The following ABCC8 variants were observed in gnomAD, a reference collection of about 807,000 sequenced individuals.
The protein encoded by ABCC8 is ATP binding cassette subfamily C member 8, also known as ATP-binding cassette sub-family C member 8.
In ABCC8, 137 loss-of-function variants were observed where a neutral mutation model predicts 188.0. The ratio of observed to expected loss-of-function variants is 0.73; its 90% CI spans 0.63 to 0.84. The LOEUF is 0.84. Ranked by LOEUF, ABCC8 falls within the 40% of genes least tolerant of loss-of-function variation. The pLI, the probability that ABCC8 is intolerant of heterozygous loss-of-function variation, is 0.00. For missense variants in ABCC8, 1,750 were observed against 2,072.7 expected (o/e 0.84, Z 3.02); for synonymous variants, 797 against 846.5 (o/e 0.94, Z 1.01).
intron 5 of ABCC8, chr11:17,461,234 A>G: frequency 2.5e-6 from 1 of 395,418 alleles, no homozygotes; most frequent in Non-Finnish European, 4.8e-6. Context: ...AAATCAAGTG[A>G]ACACTCCAAC....
At chr11:17,461,965 C>A in intron 4 of ABCC8, 140 bp from the exon 5 acceptor site, 1 of 1,423,904 alleles carries the variant, frequency 7.0e-7, no homozygotes, top group South Asian at 1.4e-5. Flanking sequence ...GTAATTATTA[C>A]CAGGAAAAGG....
chr11:17,423,561 C>T (rs1955448347), intron 16 of ABCC8, among the ~76,000 whole-genome samples: 1 of 152,072 alleles, frequency 6.6e-6, no homozygotes, highest in Admixed American at 6.5e-5. Context: ...CTTCACTATG[C>T]TTGAAAGGGA....
At chr11:17,476,445 T>C (rs750953370) in intron 1 of ABCC8, among the ~76,000 whole-genome samples, 184 bp downstream of exon 1, 2 of 149,016 alleles carry the variant, frequency 1.3e-5, no homozygotes, top group Non-Finnish European at 3.0e-5. Context: ...ACCGGGGGAG[T>C]GAAGGGATGA....
chr11:17,417,509 T>C (rs1187593623), intron 16 of ABCC8, among the ~76,000 whole-genome samples: 1 of 152,190 alleles, frequency 6.6e-6, no homozygotes, highest in Non-Finnish European at 1.5e-5. Context: ...TGGATTTTGA[T>C]AACTTAAAAA....
In ABCC8 at chr11:17,443,159, C is replaced by T; in HGVS notation, c.1467+19G>A. The T allele has an allele frequency of 6.2e-7, 1 of 1,613,948 alleles. No individual in the cohort carries two copies. On this transcript the variant is annotated intron_variant, in intron 9 of 38. Transcript: ENST00000389817. The stretch of plus-strand genomic sequence containing the variant: ...AGGAGGGGAAGAGGGACAAAACACA[C>T]ACACCTTTGGGCACTCACCAGTGTG...
intron 28 of ABCC8, among the ~76,000 whole-genome samples, chr11:17,403,436 A>G (rs901454688): frequency 3.3e-5 from 5 of 152,250 alleles, no homozygotes; most frequent in Non-Finnish European, 5.9e-5. Flanking sequence ...AACTTTGTAG[A>G]ACAGCTTGTG....
rs745884500 is a variant in ABCC8, at chr11:17,442,853, G to A, written c.1497C>T (p.Thr499=). The change falls in exon 10 of 39, where the codon ACC becomes ACT. Residue 499 remains threonine, a synonymous_variant. Coordinates refer to ENST00000389817, the MANE Select transcript of ABCC8 (RefSeq NM_000352.6). ...GCTTGATGCCGCGGAGCATCTCGTT[G>A]GTCTGCTTCAGCCGCTCATTGGAAT... The part of the protein sequence containing the change: ...LEYSNERLKQ[T]NEMLRGIKLL... 1 of 1,613,742 alleles carries A rather than the reference G, an allele frequency of 6.2e-7. No homozygotes were observed. Among genetic ancestry groups the A allele is most frequent in the Non-Finnish European group, 8.5e-7 (1 of 1,180,042 alleles).
chr11:17,458,184 C>A (rs1001089746), intron 6 of ABCC8, among the ~76,000 whole-genome samples: 1 of 152,124 alleles, frequency 6.6e-6, no homozygotes, highest in Non-Finnish European at 1.5e-5. Flanking sequence ...CGGAAATTTT[C>A]TGATTGTGTT....
intron 19 of ABCC8, 70 bp downstream of exon 19, chr11:17,414,442 G>T: frequency 6.3e-7 from 1 of 1,590,406 alleles, no homozygotes; most frequent in Non-Finnish European, 8.6e-7. Flanking sequence ...GGAGGGGCCC[G>T]GAACTGGGGC....
At chr11:17,436,745 G>C (rs1956114138) in intron 10 of ABCC8, among the ~76,000 whole-genome samples, 1 of 152,184 alleles carries the variant, frequency 6.6e-6, no homozygotes, top group South Asian at 2.1e-4. Context: ...CAATAGTGTA[G>C]AGACATGGGT....
At position 17,464,520 on chromosome 11, in the gene ABCC8, AG is replaced by A. The variant is rs545936082; in HGVS notation, c.413-917del. Among the ~76,000 whole-genome samples, 7 of 152,352 alleles carry A rather than the reference AG, an allele frequency of 4.6e-5. No individual in the cohort carries two copies. In the South Asian group the frequency reaches 1.4e-3, roughly 32 times the overall value. On this transcript the variant is annotated intron_variant, in intron 3 of 38. Transcript: ENST00000389817. ...TCATCCATTAAGTGGGAATCATAATAGTGCTACCTAGAAGGTTCTTGTGAGA... is the reference window on the plus strand; with the variant it reads ...TCATCCATTAAGTGGGAATCATAATATGCTACCTAGAAGGTTCTTGTGAGA...
intron 6 of ABCC8, among the ~76,000 whole-genome samples, chr11:17,459,852 A>G (rs1246580521): frequency 6.6e-6 from 1 of 152,230 alleles, no homozygotes; most frequent in Admixed American, 6.5e-5. Flanking sequence ...AATCGTTACA[A>G]CTGCCAAGGC....
In ABCC8 at chr11:17,396,919, C is replaced by T. The variant is rs562715858; in HGVS notation, c.4116G>A (p.Gln1372=). 64 of 1,614,068 alleles carry T rather than the reference C, an allele frequency of 4.0e-5. No individual in the cohort carries two copies. The East Asian group carries it at 1.4e-3, about 34-fold the overall frequency. The change falls in exon 33 of 39, where the codon CAG becomes CAA. Residue 1372 remains glutamine, a synonymous_variant. Coordinates refer to ENST00000389817, the MANE Select transcript of ABCC8 (RefSeq NM_000352.6). ...TGGGTTGGGCCCGTGCTCTGACCTT[C>T]TGTCCAGGGGCGATGAGGGCATTGA... is the stretch of plus-strand genomic sequence containing the variant. The part of the protein sequence containing the change: ...KHVNALIAPG[Q]KIGICGRTGS...
rs1407486337 is a variant in ABCC8, at chr11:17,476,722, G to A, written c.55C>T (p.Gln19Ter). ...AAGCAGCCGTTGTTGAGGACCCCCT[G>A]GTCCACCCGGTAGGCGGCCGAGTGG... ...ENHSAAYRVD[Q>*]GVLNNGCFVD... Residue 19 changes from glutamine to a stop codon, truncating the protein, a stop_gained, in exon 1 of 39, where the codon CAG becomes TAG. Transcript: ENST00000389817. LOFTEE classifies it high-confidence loss of function. The A allele has an allele frequency of 6.2e-7, 1 of 1,608,428 alleles. No homozygotes were observed.
In ABCC8 at chr11:17,439,364, T is replaced by C. The variant is rs374480656; in HGVS notation, c.1630+3356A>G. Among the ~76,000 whole-genome samples the C allele has an allele frequency of 7.9e-5, 12 of 152,194 alleles. No individual in the cohort carries two copies. In the South Asian group the frequency reaches 2.5e-3, roughly 32 times the overall value. The stretch of plus-strand genomic sequence containing the variant: ...CCCAGAAGTCTGATGGTGCCGCATA[T>C]GAGCAGGATGGGCCCCAACAGGAAA... On this transcript the variant is annotated intron_variant, in intron 10 of 38. Transcript: ENST00000389817.
chr11:17,402,545 A>G, intron 29 of ABCC8, 116 bp downstream of exon 29: 1 of 1,592,744 alleles, frequency 6.3e-7, no homozygotes, highest in East Asian at 2.3e-5. Flanking sequence ...AGGCAGCTTG[A>G]GAGAGAACGT....
In ABCC8 at chr11:17,427,937, C is replaced by T. The variant is rs1456819582; in HGVS notation, c.2046G>A (p.Met682Ile). The change falls in exon 15 of 39, where the codon ATG becomes ATA. Residue 682 changes from methionine to isoleucine, a missense_variant. Met to Ile is a conservative substitution (Grantham distance 10). Transcript: ENST00000389817. This position sits in a 1 kb window ranked among gnomAD's most constrained non-coding sequence, Gnocchi z 5.0. ...GDADNCCVQI[M>I]GGYFTWTPDG... ...CTGGGGTCCACGTGAAGTAGCCTCC[C>T]ATGATCTTCATTAGGCGTGTCCCAC... 6.2e-7 allele frequency: 1 copy of T among 1,613,748 alleles called. No individual in the cohort carries two copies. Among genetic ancestry groups the T allele is most frequent in the Admixed American group, 1.7e-5 (1 of 59,992 alleles).
Position 17,413,063 on chromosome 11 carries a change from G to A in ABCC8, c.2476-317C>T, listed in dbSNP as rs1954892713. 8 of 606,560 alleles carry A rather than the reference G, an allele frequency of 1.3e-5. No homozygotes were observed. In the South Asian group the frequency reaches 1.6e-4, roughly 12 times the overall value. 37.6% of individuals were successfully genotyped at this position (606,560 alleles called of 1,614,324 possible). On this transcript the variant is annotated intron_variant, in intron 20 of 38. Coordinates refer to ENST00000389817, the MANE Select transcript of ABCC8 (RefSeq NM_000352.6). ...TCACAGGAGAATCCTGTTCGTCTAA[G>A]CTTGTGGAGGGGACCCCATCTGGAG...
chr11:17,412,127 C>T lies in ABCC8; in HGVS notation c.2556+539G>A, dbSNP rs559755200. Among the ~76,000 whole-genome samples the T allele has an allele frequency of 3.3e-5, 5 of 152,232 alleles. No individual in the cohort carries two copies. The East Asian group carries it at 5.8e-4, about 18-fold the overall frequency. On this transcript the variant is annotated intron_variant, in intron 21 of 38. Coordinates refer to ENST00000389817, the MANE Select transcript of ABCC8 (RefSeq NM_000352.6). ...CAGGATGGTCTCGATCTCCCGACCT[C>T]GTGATCCGCCTGCCTCGGCCTCCCA...
Sources: gnomAD v4.1 joint callset for allele counts (sites outside exome capture counted in the v4.1 genomes callset) on GRCh38, gnomAD v4.1.1 for gene constraint, Gnocchi (gnomAD v3.1) non-coding constraint, MANE v1.5 for transcripts, NCBI Gene and HGNC (gene_info 2026-07-23, HGNC 2026-07-21) for gene names.